The following CFAP20DC variants were observed in gnomAD, a reference collection of about 807,000 sequenced individuals.
CFAP20DC encodes the protein protein CFAP20DC.
A neutral mutation model predicts 101.7 loss-of-function variants in CFAP20DC; 84 were observed. The observed-to-expected ratio is 0.83, with a 90% confidence interval of 0.69 to 0.99. The LOEUF (loss-of-function observed/expected upper bound fraction) is 0.99. Ranked by LOEUF, CFAP20DC falls within the 50% of genes least tolerant of loss-of-function variation. CFAP20DC has a pLI of 0.00. For missense variants in CFAP20DC, 1,007 were observed against 970.3 expected, an observed-to-expected ratio of 1.04 and a Z score of -0.50; for synonymous variants, 359 against 351.2, an observed-to-expected ratio of 1.02 and a Z score of -0.25.
rs2093465199 is a variant in CFAP20DC, at chr3:59,007,498, G to C, written c.278+32059C>G. On this transcript the variant is annotated intron_variant, in intron 4 of 16. Transcript: ENST00000482387. This position sits in a 1 kb window ranked among gnomAD's most constrained non-coding sequence, Gnocchi z 4.4. ...CAGCAAGGAGAAAACAACAGCTATGGCTAACAAGAGGGCCTGAGTCTGTCC... is the reference window on the plus strand; with the variant it reads ...CAGCAAGGAGAAAACAACAGCTATGCCTAACAAGAGGGCCTGAGTCTGTCC... Among the ~76,000 whole-genome samples the C allele has an allele frequency of 6.6e-6, 1 of 152,180 alleles. No homozygotes were observed. The highest frequency in any genetic ancestry group is 1.5e-5 in the Non-Finnish European group (1 of 68,030).
At chr3:58,922,723 C>A (rs1365926863) in intron 5 of CFAP20DC, among the ~76,000 whole-genome samples, 3 of 152,100 alleles carry the variant, frequency 2.0e-5, no homozygotes, top group Non-Finnish European at 4.4e-5. Context: ...GCCAAATAAA[C>A]CTTTTTTGTT....
At chr3:58,856,249 A>G (rs959489271) in intron 12 of CFAP20DC, among the ~76,000 whole-genome samples, 1 of 144,318 alleles carries the variant, frequency 6.9e-6, no homozygotes, top group Non-Finnish European at 1.5e-5. Flanking sequence ...CTTTGTCTAC[A>G]CTAGCTTCAT....
At chr3:58,867,664 G>C (rs956920191) in intron 10 of CFAP20DC, among the ~76,000 whole-genome samples, 153 bp downstream of exon 10, 4 of 152,066 alleles carry the variant, frequency 2.6e-5, no homozygotes, top group Admixed American at 6.5e-5. Context: ...CAATTCTTTT[G>C]CAGAAAATTT....
In CFAP20DC at chr3:58,894,495, A is replaced by C. The variant is rs2082509309; in HGVS notation, c.551-9786T>G. Among the ~76,000 whole-genome samples the C allele has an allele frequency of 6.6e-6, 1 of 152,234 alleles. No homozygotes were observed. Among genetic ancestry groups the C allele is most frequent in the South Asian group, 2.1e-4 (1 of 4,832 alleles). The stretch of plus-strand genomic sequence containing the variant: ...ATGATCTCCTTTGACTCCATGTCTC[A>C]CATTCAGGACACGCTGATGCAGAAG... On this transcript the variant is annotated intron_variant, in intron 6 of 16. Coordinates refer to ENST00000482387, the MANE Select transcript of CFAP20DC (RefSeq NM_001394063.1). The surrounding 1 kb of genome is among the most constrained non-coding windows in gnomAD (Gnocchi z 4.1).
chr3:58,913,452 A>C lies in CFAP20DC; in HGVS notation c.550+256T>G. On this transcript the variant is annotated intron_variant, in intron 6 of 16. Coordinates refer to ENST00000482387, the MANE Select transcript of CFAP20DC (RefSeq NM_001394063.1). This position sits in a 1 kb window ranked among gnomAD's most constrained non-coding sequence, Gnocchi z 4.4. ...ATGTTGTTTGTAACTAAGGAGCCTAAGACAGATAGCAAGTGTTACCATAAA... is the reference window on the plus strand; with the variant it reads ...ATGTTGTTTGTAACTAAGGAGCCTACGACAGATAGCAAGTGTTACCATAAA... 1 of 599,218 alleles carries C rather than the reference A, an allele frequency of 1.7e-6. No individual in the cohort carries two copies. Among genetic ancestry groups the C allele is most frequent in the Non-Finnish European group, 2.9e-6 (1 of 339,518 alleles). 37.1% of individuals were successfully genotyped at this position (599,218 alleles called of 1,614,324 possible).
chr3:59,036,918 T>C (rs2094114347), intron 4 of CFAP20DC, among the ~76,000 whole-genome samples: 1 of 152,160 alleles, frequency 6.6e-6, no homozygotes, highest in Admixed American at 6.5e-5. Flanking sequence ...AGTATGGTAC[T>C]GGTACCAAAA....
intron 4 of CFAP20DC, among the ~76,000 whole-genome samples, chr3:58,981,655 T>C (rs970441419): frequency 9.2e-5 from 14 of 152,204 alleles, no homozygotes; most frequent in African/African-American, 1.4e-4. Flanking sequence ...GCTAGCCATA[T>C]GTAGAAAGCT....
downstream of CFAP20DC, among the ~76,000 whole-genome samples, chr3:58,739,625 G>A (rs1008218316): frequency 2.0e-5 from 3 of 152,238 alleles, no homozygotes; most frequent in Non-Finnish European, 4.4e-5. Context: ...TGGCATGGCT[G>A]GGGAGGTTTT....
chr3:59,021,703 T>C (rs973211947), intron 4 of CFAP20DC, among the ~76,000 whole-genome samples: 12 of 152,054 alleles, frequency 7.9e-5, no homozygotes, highest in Non-Finnish European at 1.3e-4. Flanking sequence ...ATTGTCCATA[T>C]GCACAATGGT....
chr3:58,840,061 G>A (rs1575843774), intron 13 of CFAP20DC, among the ~76,000 whole-genome samples: 1 of 152,182 alleles, frequency 6.6e-6, no homozygotes, highest in East Asian at 1.9e-4. Flanking sequence ...AGAGCAGAGG[G>A]ACAGGAACAA....
At chr3:58,723,578 A>C (rs2107054457) in intron 3 of CFAP20DC, among the ~76,000 whole-genome samples, 1 of 152,336 alleles carries the variant, frequency 6.6e-6, no homozygotes, top group Non-Finnish European at 1.5e-5. Flanking sequence ...AATAAGCAGC[A>C]ATTTATTATA....
rs1234859290 is a variant in CFAP20DC, at chr3:59,001,390, C to G, written c.278+38167G>C. ...GGCCTTTGAAACAGTCTCTCCCTCTCTCCCTCTCTCCCTCTCTCCTTCTCT... is the reference window on the plus strand; with the variant it reads ...GGCCTTTGAAACAGTCTCTCCCTCTGTCCCTCTCTCCCTCTCTCCTTCTCT... On this transcript the variant is annotated intron_variant, in intron 4 of 16. Transcript: ENST00000482387. The surrounding 1 kb of genome is among the most constrained non-coding windows in gnomAD (Gnocchi z 4.5). Among the ~76,000 whole-genome samples, 3 of 151,996 alleles carry G rather than the reference C, an allele frequency of 2.0e-5. No individual in the cohort carries two copies. In the East Asian group the frequency reaches 5.8e-4, roughly 29 times the overall value.
intron 3 of CFAP20DC, among the ~76,000 whole-genome samples, chr3:58,723,410 A>G (rs1407654942): frequency 6.6e-6 from 1 of 152,216 alleles, no homozygotes; most frequent in Non-Finnish European, 1.5e-5. Context: ...ACTTTCAACA[A>G]TTTTACTAGT....
rs2093651333 is a variant in CFAP20DC, at chr3:59,014,540, T to C, written c.278+25017A>G. Among the ~76,000 whole-genome samples the C allele has an allele frequency of 2.0e-5, 3 of 152,192 alleles. No homozygotes were observed. In the South Asian group the frequency reaches 6.2e-4, roughly 31 times the overall value. ...TGAAAAGCCTGAATTTTTCTGACAG[T>C]ACTTGCAGTTAAATTTTATTTAAGC... On this transcript the variant is annotated intron_variant, in intron 4 of 16. Coordinates refer to ENST00000482387, the MANE Select transcript of CFAP20DC (RefSeq NM_001394063.1). This position sits in a 1 kb window ranked among gnomAD's most constrained non-coding sequence, Gnocchi z 4.9.
At chr3:58,759,541 A>C (rs984245561) in intron 15 of CFAP20DC, among the ~76,000 whole-genome samples, 2 of 152,210 alleles carry the variant, frequency 1.3e-5, no homozygotes, top group African/African-American at 4.8e-5. Context: ...CAGTTTAATT[A>C]GATCCCATTT....
At chr3:59,023,271 G>A (rs1008525951) in intron 4 of CFAP20DC, among the ~76,000 whole-genome samples, 1 of 151,682 alleles carries the variant, frequency 6.6e-6, no homozygotes, top group Non-Finnish European at 1.5e-5. Flanking sequence ...GACCAACCAT[G>A]CACAGAGAAT....
At chr3:58,806,875 C>T (rs1041361593) in intron 14 of CFAP20DC, among the ~76,000 whole-genome samples, 1 of 152,322 alleles carries the variant, frequency 6.6e-6, no homozygotes, top group African/African-American at 2.4e-5. Flanking sequence ...TAATACTGCA[C>T]TTTTCCAACG....
At chr3:59,039,663 C>G in intron 3 of CFAP20DC, 34 bp from the exon 4 acceptor site, 1 of 1,341,164 alleles carries the variant, frequency 7.5e-7, no homozygotes, top group Non-Finnish European at 1.0e-6. Context: ...TTCAAATGTT[C>G]GAAGCATTTA....
chr3:59,048,484 C>T (rs1172623108), intron 1 of CFAP20DC, among the ~76,000 whole-genome samples: 1 of 152,152 alleles, frequency 6.6e-6, no homozygotes, highest in Non-Finnish European at 1.5e-5. Flanking sequence ...AGCCCTCATA[C>T]TCGGTGAGAC....
Sources: allele counts gnomAD v4.1 joint callset (sites outside exome capture counted in the v4.1 genomes callset), GRCh38; gene constraint gnomAD v4.1.1; non-coding constraint Gnocchi (gnomAD v3.1); transcripts MANE v1.5; gene names NCBI Gene and HGNC (gene_info 2026-07-23, HGNC 2026-07-21).